Variants in ZDBF2 observed in about 807,000 individuals in gnomAD.
ZDBF2 encodes the protein DBF4-type zinc finger-containing protein 2.
Under a neutral mutation model 9.4 loss-of-function variants are expected in ZDBF2, and 6 were observed. That is an observed-to-expected ratio of 0.64 (90% CI 0.35 to 1.27). The LOEUF is 1.27. Among genes scored for constraint, ZDBF2 ranks in the 50% most tolerant of loss-of-function variants. The pLI is 0.03. For missense variants in ZDBF2, 2,697 were observed against 2,766.8 expected, an observed-to-expected ratio of 0.97 and a Z score of 0.57; for synonymous variants, 905 against 946.3, an observed-to-expected ratio of 0.96 and a Z score of 0.80.
chr2:206,281,410 G>A (rs1483592571), intron 2 of ZDBF2, among the ~76,000 whole-genome samples: 1 of 152,100 alleles, frequency 6.6e-6, no homozygotes, highest in East Asian at 1.9e-4. Context: ...AATAATCTGG[G>A]GTTTGATATG....
chr2:206,275,843 T>C (rs1358063988), intron 1 of ZDBF2, among the ~76,000 whole-genome samples: 1 of 152,174 alleles, frequency 6.6e-6, no homozygotes, highest in East Asian at 1.9e-4. Context: ...ATAAGGGGTG[T>C]TTATTTGCTT....
rs147389581 is a variant in ZDBF2 at position 206,281,777 on chromosome 2, A to G, written c.-49-24A>G. ...ATAAGAGTAAGGAATTATGATTTTT[A>G]CCATTTTTCTTTTTGTTTTTCAGCT... On this transcript the variant is annotated intron_variant, in intron 2 of 4. Coordinates refer to ENST00000374423, the MANE Select transcript of ZDBF2 (RefSeq NM_020923.3). The G allele has an allele frequency of 1.3e-4, 181 of 1,415,822 alleles. No individual in the cohort carries two copies. The East Asian group carries it at 4.0e-3, about 32-fold the overall frequency. 87.7% of individuals were successfully genotyped at this position (1,415,822 alleles called of 1,614,324 possible).
intron 1 of ZDBF2, among the ~76,000 whole-genome samples, chr2:206,278,887 A>G (rs1299318899): frequency 6.6e-6 from 1 of 152,116 alleles, no homozygotes; most frequent in African/African-American, 2.4e-5. Flanking sequence ...AAATTTTTTG[A>G]GGGTAAGAAA....
At chr2:206,289,293 G>T (rs1172318967) in intron 3 of ZDBF2, among the ~76,000 whole-genome samples, 4 of 152,126 alleles carry the variant, frequency 2.6e-5, no homozygotes, top group African/African-American at 9.7e-5. Context: ...TTCAGCTTAG[G>T]TATTGGGGTG....
rs143538068 is a variant in ZDBF2, at chr2:206,286,491, C to A, written c.60+4582C>A. 9.2e-5 allele frequency among the ~76,000 whole-genome samples: 14 copies of A among 151,956 alleles called. No individual in the cohort carries two copies. The East Asian group carries it at 2.1e-3, about 23-fold the overall frequency. ...TTTATCTATCATAAATGTAGCTACT[C>A]CTCCTCACTTTTGGTTTCCAGTGCA... On this transcript the variant is annotated intron_variant, in intron 3 of 4. Transcript: ENST00000374423.
intron 4 of ZDBF2, among the ~76,000 whole-genome samples, chr2:206,303,295 TA>T (rs1692597843): frequency 6.6e-6 from 1 of 152,052 alleles, no homozygotes; most frequent in Non-Finnish European, 1.5e-5. Context: ...TATTATTTTT[TA>T]TGTGTCTGCC....
At chr2:206,287,759 C>CT (rs1553522973) in intron 3 of ZDBF2, among the ~76,000 whole-genome samples, 4 of 151,962 alleles carry the variant, frequency 2.6e-5, no homozygotes, top group Non-Finnish European at 4.4e-5. Flanking sequence ...TTCATTATTT[C>CT]TTTTTTTCCC....
Position 206,310,018 on chromosome 2 carries a change from A to G in ZDBF2, c.5490A>G (p.Lys1830=). The G allele has an allele frequency of 6.2e-7, 1 of 1,613,256 alleles. No homozygotes were observed. Among genetic ancestry groups the G allele is most frequent in the Non-Finnish European group, 8.5e-7 (1 of 1,179,724 alleles). Residue 1830 remains lysine, a synonymous_variant, in exon 5 of 5, where the codon AAA becomes AAG. Transcript: ENST00000374423. ...LPHVPPSFVG[K]TWSQIMREDD... ...ATGTACCTCCTTCATTTGTGGGGAA[A>G]ACATGGTCTCAGATAATGAGAGAAG...
At chr2:206,278,521 A>G (rs918812757) in intron 1 of ZDBF2, among the ~76,000 whole-genome samples, 3 of 152,220 alleles carry the variant, frequency 2.0e-5, no homozygotes, top group African/African-American at 7.2e-5. Context: ...TAAATTCTTT[A>G]GTATGCTTTT....
At chr2:206,300,943 A>G (rs1447863492) in intron 4 of ZDBF2, among the ~76,000 whole-genome samples, 1 of 152,316 alleles carries the variant, frequency 6.6e-6, no homozygotes, top group Admixed American at 6.5e-5. Context: ...GACACTTCCT[A>G]GAAGGCTATA....
chr2:206,300,854 T>G (rs940077569), intron 4 of ZDBF2, among the ~76,000 whole-genome samples: 1 of 152,216 alleles, frequency 6.6e-6, no homozygotes, highest in African/African-American at 2.4e-5. Flanking sequence ...ATTTCCTTTA[T>G]TCTATGGGTT....
At chr2:206,282,800 A>G (rs923298744) in intron 3 of ZDBF2, among the ~76,000 whole-genome samples, 1 of 152,234 alleles carries the variant, frequency 6.6e-6, no homozygotes, top group Non-Finnish European at 1.5e-5. Context: ...TGGTACAACC[A>G]TTGTCTAATT....
intron 4 of ZDBF2, among the ~76,000 whole-genome samples, chr2:206,299,879 G>A (rs539055298): frequency 4.0e-5 from 6 of 151,658 alleles, no homozygotes; most frequent in Non-Finnish European, 5.9e-5. Flanking sequence ...AGGCCGAGGC[G>A]GGCGGATCAC....
At chr2:206,286,244 G>A (rs1691593141) in intron 3 of ZDBF2, among the ~76,000 whole-genome samples, 1 of 152,072 alleles carries the variant, frequency 6.6e-6, no homozygotes, top group Non-Finnish European at 1.5e-5. Flanking sequence ...TTTAAATCAA[G>A]TGTTTCTTTG....
Position 206,304,932 on chromosome 2 carries a change from C to T in ZDBF2, c.404C>T (p.Pro135Leu). The change falls in exon 5 of 5, where the codon CCA becomes CTA. Residue 135 changes from proline to leucine, a missense_variant. Coordinates refer to ENST00000374423, the MANE Select transcript of ZDBF2 (RefSeq NM_020923.3). ...GGCACGCAGGAGGTTTCAGTTCGAC[C>T]ATCAGTTATTCAAAAACTGGAGAAG... Reference protein sequence around the residue: ...QEGTQEVSVRPSVIQKLEKGQ... With the variant: ...QEGTQEVSVRLSVIQKLEKGQ... The T allele has an allele frequency of 1.2e-6, 2 of 1,613,650 alleles. No homozygotes were observed. Among genetic ancestry groups the T allele is most frequent in the Non-Finnish European group, 1.7e-6 (2 of 1,179,758 alleles).
intron 1 of ZDBF2, among the ~76,000 whole-genome samples, chr2:206,277,293 G>A (rs916274221): frequency 2.0e-5 from 3 of 150,786 alleles, no homozygotes; most frequent in Non-Finnish European, 4.4e-5. Flanking sequence ...GATCTCAGGT[G>A]TGCAAGAAAT....
rs200914638 is a variant in ZDBF2, at chr2:206,305,574, A to G, written c.1046A>G (p.Asn349Ser). 599 of 1,613,834 alleles carry G rather than the reference A, an allele frequency of 3.7e-4. 3 individuals are homozygous for G. The highest frequency in any genetic ancestry group is 8.3e-4 in the Admixed American group (50 of 60,000). The change falls in exon 5 of 5, where the codon AAC becomes AGC. Residue 349 changes from asparagine (N) to serine (S), a missense_variant. This residue lies in a region of ZDBF2 where 910 missense variants were observed against 973.6 expected (regional missense o/e 0.93). Coordinates refer to ENST00000374423, the MANE Select transcript of ZDBF2 (RefSeq NM_020923.3). Reference sequence around the variant, plus strand: ...CAAGAAGAAAAGCATTTGGTTTTTAACAAGACAGCCTTTTGGGAACAGAAG... The same window carrying G: ...CAAGAAGAAAAGCATTTGGTTTTTAGCAAGACAGCCTTTTGGGAACAGAAG... ...CTQEEKHLVF[N>S]KTAFWEQKCS... is the part of the protein sequence containing the mutation.
In ZDBF2 at chr2:206,311,138, C is replaced by A. The variant is rs755789316; in HGVS notation, c.6610C>A (p.Pro2204Thr). The change falls in exon 5 of 5, where the codon CCC becomes ACC. Residue 2204 changes from proline to threonine, a missense_variant. Around this residue, in one of 3 missense-constraint regions of ZDBF2, gnomAD observed 1,783 missense variants for 1,776.5 expected, o/e 1.00. Coordinates refer to ENST00000374423, the MANE Select transcript of ZDBF2 (RefSeq NM_020923.3). ...TAAACCAATTATTCTCCAGCAAAAA[C>A]CCAGAAAAGCTTCAGAGAAACAGTC... ...VYKPIILQQK[P>T]RKASEKQSIW... is the part of the protein sequence containing the mutation. The A allele has an allele frequency of 1.9e-6, 3 of 1,613,650 alleles. No homozygotes were observed. The highest frequency in any genetic ancestry group is 3.3e-5 in the Admixed American group (2 of 59,936).
intron 4 of ZDBF2, among the ~76,000 whole-genome samples, chr2:206,302,275 G>A (rs1028747954): frequency 6.6e-6 from 1 of 152,088 alleles, no homozygotes; most frequent in Non-Finnish European, 1.5e-5. Context: ...CTTCCAAAGT[G>A]GGGGGATTAC....
Sources: gnomAD v4.1 joint callset for allele counts (sites outside exome capture counted in the v4.1 genomes callset) on GRCh38, gnomAD v4.1.1 for gene constraint, gnomAD v4.1.1 regional missense constraint, MANE v1.5 for transcripts, NCBI Gene and HGNC (gene_info 2026-07-23, HGNC 2026-07-21) for gene names.